The following TPM3 variants were observed in gnomAD, a reference collection of about 807,000 sequenced individuals.
The protein encoded by TPM3 is tropomyosin 3, also known as tropomyosin alpha-3 chain.
A neutral mutation model predicts 43.1 loss-of-function variants in TPM3; 16 were observed. The observed-to-expected ratio is 0.37, with a 90% CI of 0.25 to 0.56. The LOEUF is 0.56. TPM3 is among the 20% of genes least tolerant of loss of function. TPM3 has a pLI of 0.77. For synonymous variants in TPM3, 101 were observed against 116.9 expected (o/e 0.86, Z 0.88); for missense variants, 176 against 337.2 (o/e 0.52, Z 3.74).
At position 154,163,289 on chromosome 1, in the gene TPM3, G is replaced by A. The variant is rs1389005858; in HGVS notation, c.*4648C>T. Among the ~76,000 whole-genome samples the A allele has an allele frequency of 1.3e-5, 2 of 152,182 alleles. No homozygotes were observed. Among genetic ancestry groups the A allele is most frequent in the Non-Finnish European group, 2.9e-5 (2 of 68,036 alleles). ...CTCAGCCACACTAGCCATGTTTTGA[G>A]TGCTTGACTGCCACATGTGGCTAAT... On this transcript the variant is annotated 3_prime_UTR_variant, in exon 10 of 10. Coordinates refer to ENST00000651641, the MANE Select transcript of TPM3 (RefSeq NM_152263.4).
chr1:154,191,092 A>G (rs1156597663), intron 2 of TPM3, 94 bp downstream of exon 2: 49 of 1,596,738 alleles, frequency 3.1e-5, no homozygotes, highest in South Asian at 2.4e-4. Context: ...TCTGTGTTCC[A>G]TGAACCCACA....
intron 8 of TPM3, chr1:154,169,852 A>G (rs1661382593): frequency 7.8e-6 from 2 of 254,980 alleles, no homozygotes; most frequent in Admixed American, 1.0e-4. Context: ...CCAAAGGAGC[A>G]TACATCAGAG....
intron 9 of TPM3, 79 bp from the exon 10 acceptor site, chr1:154,168,019 A>G (rs962902484): frequency 5.7e-6 from 9 of 1,582,950 alleles, no homozygotes; most frequent in South Asian, 3.3e-5. Context: ...AAGGAAGAGG[A>G]AAAAAAGGAA....
chr1:154,174,241 A>T (rs1661948323), intron 3 of TPM3, among the ~76,000 whole-genome samples: 1 of 150,462 alleles, frequency 6.6e-6, no homozygotes, highest in South Asian at 2.1e-4. Flanking sequence ...AAGCTGAAGC[A>T]TGAGAATGGC....
intron 2 of TPM3, among the ~76,000 whole-genome samples, chr1:154,183,976 C>T (rs1663264372): frequency 6.6e-6 from 1 of 151,512 alleles, no homozygotes; most frequent in South Asian, 2.1e-4. Context: ...CCTCCTACCT[C>T]AGCCTCCGGT....
intron 3 of TPM3, among the ~76,000 whole-genome samples, chr1:154,175,733 A>G (rs1558051275): frequency 6.6e-6 from 1 of 152,262 alleles, no homozygotes; most frequent in South Asian, 2.1e-4. Flanking sequence ...TTTAAGGATC[A>G]TTAGGCCAAT....
chr1:154,178,802 C>T (rs980126796), intron 2 of TPM3, among the ~76,000 whole-genome samples: 9 of 152,190 alleles, frequency 5.9e-5, no homozygotes, highest in African/African-American at 2.2e-4. Context: ...ATATACAGTA[C>T]TCTGTGGTTC....
chr1:154,155,715 G>T (rs1571343262), downstream of TPM3: 1 of 227,626 alleles, frequency 4.4e-6, no homozygotes, highest in African/African-American at 2.2e-5. Context: ...CGCATTTATA[G>T]TAGTGATCAG....
At chr1:154,161,610 A>AT (rs796496480), downstream of TPM3, among the ~76,000 whole-genome samples, 322 of 141,246 alleles carry the variant, frequency 2.3e-3, no homozygotes, top group South Asian at 4.5e-3. Flanking sequence ...TAATTTTTGC[A>AT]TTTTTTTTTT....
At position 154,191,195 on chromosome 1, in the gene TPM3, C is replaced by T. The variant is rs888396890; in HGVS notation, c.234G>A (p.Lys78=). 2.5e-6 allele frequency: 4 copies of T among 1,614,016 alleles called. No homozygotes were observed. The African/African-American group carries it at 4.0e-5, about 16-fold the overall frequency. ...TCTCTCTAATACTCACATCAGCAGC[C>T]TTCTTCTCTGCCAGTTCCAGCTTCT... The part of the protein sequence containing the change: ...AQEKLELAEK[K]AADAEAEVAS... The change falls in exon 2 of 10, where the codon AAG becomes AAA. Residue 78 remains lysine (K), a synonymous_variant. Transcript: ENST00000651641.
downstream of TPM3, among the ~76,000 whole-genome samples, chr1:154,161,342 A>G (rs1660339154): frequency 6.6e-6 from 1 of 151,844 alleles, no homozygotes; most frequent in South Asian, 2.1e-4. Flanking sequence ...GTTACATTAC[A>G]TATAGATCTC....
chr1:154,177,497 T>C (rs1285651063), intron 2 of TPM3, among the ~76,000 whole-genome samples: 2 of 152,170 alleles, frequency 1.3e-5, no homozygotes, highest in African/African-American at 4.8e-5. Context: ...TAAATTCTAA[T>C]GGTAGGAAAA....
At chr1:154,177,992 G>A (rs1190255270) in intron 2 of TPM3, 1 of 275,392 alleles carries the variant, frequency 3.6e-6, no homozygotes, top group East Asian at 1.8e-4. Flanking sequence ...GCCTCTTCCA[G>A]AAAAATAGAT....
intron 2 of TPM3, chr1:154,183,327 A>G (rs1459956358): frequency 1.3e-5 from 19 of 1,462,796 alleles, no homozygotes; most frequent in Non-Finnish European, 1.2e-5. Flanking sequence ...CAGGGAGTGG[A>G]TCCTCCCAGT....
At chr1:154,173,437 G>C (rs555882410) in intron 3 of TPM3, among the ~76,000 whole-genome samples, 1 of 152,320 alleles carries the variant, frequency 6.6e-6, no homozygotes, top group East Asian at 1.9e-4. Context: ...GGCTGAGGCG[G>C]GCAGATCACC....
downstream of TPM3, among the ~76,000 whole-genome samples, chr1:154,160,962 T>TTCC (rs1237562772): frequency 6.6e-6 from 1 of 151,794 alleles, no homozygotes; most frequent in African/African-American, 2.4e-5. Context: ...GTGGTGACTA[T>TTCC]TCATAGGCCT....
Position 154,176,101 on chromosome 1 carries a change from G to C in TPM3, c.377+14C>G. On this transcript the variant is annotated intron_variant, in intron 3 of 9. Coordinates refer to ENST00000651641, the MANE Select transcript of TPM3 (RefSeq NM_152263.4). ...ACTTTTAAAATCCACACTCCATCAG[G>C]CTTCCCTACACACCTCTCACTCTCA... 1 of 1,612,690 alleles carries C rather than the reference G, an allele frequency of 6.2e-7. No homozygotes were observed. The highest frequency in any genetic ancestry group is 8.5e-7 in the Non-Finnish European group (1 of 1,179,920).
At chr1:154,172,341 G>C (rs755069093) in intron 5 of TPM3, 1 of 685,496 alleles carries the variant, frequency 1.5e-6, no homozygotes, top group Non-Finnish European at 2.7e-6. Flanking sequence ...AGGTACCGAC[G>C]GGAGAGCAGT....
chr1:154,170,224 A>C, intron 8 of TPM3, 176 bp downstream of exon 8: 2 of 661,672 alleles, frequency 3.0e-6, no homozygotes, highest in Non-Finnish European at 5.3e-6. Context: ...AAATTTAAAA[A>C]ACCAATTCTA....
Sources: allele counts gnomAD v4.1 joint callset (sites outside exome capture counted in the v4.1 genomes callset), GRCh38; gene constraint gnomAD v4.1.1; transcripts MANE v1.5; gene names NCBI Gene and HGNC (gene_info 2026-07-23, HGNC 2026-07-21).